NUP214: variants seen among roughly 807,000 people sequenced by gnomAD.
The protein encoded by NUP214 is nucleoporin 214, also known as nuclear pore complex protein Nup214.
A neutral mutation model predicts 196.2 loss-of-function variants in NUP214; 79 were observed. The ratio of observed to expected loss-of-function variants is 0.40; its 90% CI spans 0.34 to 0.49. The LOEUF is 0.49. Ranked by LOEUF, NUP214 falls within the 20% of genes least tolerant of loss-of-function variation. The pLI is 0.58. For synonymous variants in NUP214, 1,020 were observed against 990.5 expected, an observed-to-expected ratio of 1.03 and a Z score of -0.56; for missense variants, 2,468 against 2,539.0, an observed-to-expected ratio of 0.97 and a Z score of 0.60.
intron 18 of NUP214, among the ~76,000 whole-genome samples, chr9:131,161,805 C>G (rs751130883): frequency 6.6e-6 from 1 of 152,148 alleles, no homozygotes; most frequent in Non-Finnish European, 1.5e-5. Flanking sequence ...ACAGAATGTG[C>G]TTACACTATG....
At chr9:131,193,726 A>G (rs1424485914) in intron 27 of NUP214, among the ~76,000 whole-genome samples, 1 of 134,626 alleles carries the variant, frequency 7.4e-6, no homozygotes, top group East Asian at 2.2e-4. Context: ...ATCTCAGCTC[A>G]CTGCAATCTT....
chr9:131,164,070 C>A lies in NUP214; in HGVS notation c.2819C>A (p.Ser940Tyr). 6.2e-7 allele frequency: 1 copy of A among 1,614,092 alleles called. No homozygotes were observed. The highest frequency in any genetic ancestry group is 8.5e-7 in the Non-Finnish European group (1 of 1,180,004). ...TATGGATTTCTTGCAGCCAAACTGTCCCCCATGAAACAGGCACAACTGAGA... is the reference window on the plus strand; with the variant it reads ...TATGGATTTCTTGCAGCCAAACTGTACCCCATGAAACAGGCACAACTGAGA... ...KSLPKVPAKLSPMKQAQLRNF... is the reference protein window; with the variant it reads ...KSLPKVPAKLYPMKQAQLRNF... Residue 940 changes from serine (S) to tyrosine (Y), a missense_variant, in exon 21 of 36, where the codon TCC becomes TAC. Physicochemically the swap from Ser to Tyr is moderately radical, Grantham distance 144. Around this residue, in one of 5 missense-constraint regions of NUP214, gnomAD observed 1,801 missense variants for 1,779.4 expected, o/e 1.01. Transcript: ENST00000359428.
At chr9:131,151,679 CA>C in intron 16 of NUP214, 56 bp from the exon 17 acceptor site, 1 of 1,387,532 alleles carries the variant, frequency 7.2e-7, no homozygotes, top group Non-Finnish European at 9.9e-7. Context: ...TTGATCCAAA[CA>C]GAAAGATTTG....
chr9:131,156,323 G>A (rs1273072962), intron 17 of NUP214, among the ~76,000 whole-genome samples: 1 of 151,768 alleles, frequency 6.6e-6, no homozygotes, highest in African/African-American at 2.4e-5. Flanking sequence ...CAGTAGAGAC[G>A]GGGTTTCACT....
intron 31 of NUP214, among the ~76,000 whole-genome samples, chr9:131,219,330 A>G (rs1305817342): frequency 1.3e-5 from 2 of 152,220 alleles, no homozygotes; most frequent in Non-Finnish European, 2.9e-5. Context: ...TCTCCCAGGT[A>G]CGCCTTTTTG....
intron 22 of NUP214, among the ~76,000 whole-genome samples, chr9:131,174,739 C>T (rs1472591508): frequency 1.3e-5 from 2 of 152,076 alleles, no homozygotes; most frequent in African/African-American, 4.8e-5. Flanking sequence ...CAGGCATGAG[C>T]CACTGCACCT....
Position 131,146,309 on chromosome 9 carries a change from G to A in NUP214, c.1945+5G>A, listed in dbSNP as rs772151325. On this transcript the variant is annotated splice_donor_5th_base_variant and intron_variant, in intron 13 of 35. Transcript: ENST00000359428. This position sits in a 1 kb window ranked among gnomAD's most constrained non-coding sequence, Gnocchi z 4.6. ...CAGTCTTGCCCTCACCATCAGGTAT[G>A]ATTTTAAGCAGACAACTTTAGACCT... The A allele has an allele frequency of 1.9e-6, 3 of 1,613,482 alleles. No individual in the cohort carries two copies. The South Asian group carries it at 3.3e-5, about 18-fold the overall frequency.
intron 30 of NUP214, among the ~76,000 whole-genome samples, chr9:131,203,114 T>A (rs925814570): frequency 2.0e-5 from 3 of 151,810 alleles, no homozygotes; most frequent in African/African-American, 7.3e-5. Flanking sequence ...CCCAGCTAAT[T>A]TTTTGTATTT....
chr9:131,137,004 C>G (rs1308592277), intron 9 of NUP214, among the ~76,000 whole-genome samples: 1 of 152,224 alleles, frequency 6.6e-6, no homozygotes, highest in East Asian at 1.9e-4. Flanking sequence ...ATCTGTCACT[C>G]TCTGGGTGGC....
chr9:131,185,464 C>T (rs1833427521), intron 24 of NUP214, among the ~76,000 whole-genome samples: 1 of 152,142 alleles, frequency 6.6e-6, no homozygotes, highest in Non-Finnish European at 1.5e-5. Flanking sequence ...GTTATAGCAC[C>T]ATTTTCTTCT....
At chr9:131,148,421 C>T (rs140215384) in intron 14 of NUP214, among the ~76,000 whole-genome samples, 9 of 152,100 alleles carry the variant, frequency 5.9e-5, no homozygotes, top group Non-Finnish European at 1.2e-4. Context: ...CTGCTATGAC[C>T]GTTCCAGTTG....
At chr9:131,162,846 G>A in intron 18 of NUP214, 145 bp from the exon 19 acceptor site, 1 of 753,798 alleles carries the variant, frequency 1.3e-6, no homozygotes, top group South Asian at 1.7e-5. Flanking sequence ...TTATTTTCTA[G>A]TAATTTCTTA....
chr9:131,135,449 T>C (rs962033849), intron 8 of NUP214, among the ~76,000 whole-genome samples: 1 of 152,202 alleles, frequency 6.6e-6, no homozygotes, highest in African/African-American at 2.4e-5. Context: ...ATAATGTCTT[T>C]CTATTATTTC....
At chr9:131,193,161 T>C (rs1833660929) in intron 27 of NUP214, among the ~76,000 whole-genome samples, 1 of 152,158 alleles carries the variant, frequency 6.6e-6, no homozygotes, top group Admixed American at 6.5e-5. Context: ...CTATACCTTA[T>C]CTCAAGATGA....
Position 131,192,312 on chromosome 9 carries a change from T to G in NUP214, c.3659+20T>G. 6.8e-7 allele frequency: 1 copy of G among 1,470,946 alleles called. No homozygotes were observed. 91.1% of individuals were successfully genotyped at this position (1,470,946 alleles called of 1,614,324 possible). On this transcript the variant is annotated intron_variant, in intron 27 of 35. Transcript: ENST00000359428. Reference sequence around the variant, plus strand: ...ATCAGGGTCAGTAATGAACTTAAGTTTTATGGCAAATTACTAGCAATTAGC... The same window carrying G: ...ATCAGGGTCAGTAATGAACTTAAGTGTTATGGCAAATTACTAGCAATTAGC...
chr9:131,175,367 C>G, intron 22 of NUP214, 93 bp from the exon 23 acceptor site: 14 of 1,408,958 alleles, frequency 9.9e-6, no homozygotes, highest in Admixed American at 2.0e-5. Context: ...TTAGCATTTT[C>G]CCTGCAGTCG....
Position 131,135,929 on chromosome 9 carries a change from T to C in NUP214, c.939-11T>C. The stretch of plus-strand genomic sequence containing the variant: ...ATTTGAACGTAATGGTCTCTGGTTT[T>C]ATTCTTTAAGGGATTTAGTGCTGGC... On this transcript the variant is annotated splice_polypyrimidine_tract_variant and intron_variant, in intron 8 of 35. Transcript: ENST00000359428. 1 of 1,612,472 alleles carries C rather than the reference T, an allele frequency of 6.2e-7. No individual in the cohort carries two copies. Among genetic ancestry groups the C allele is most frequent in the Non-Finnish European group, 8.5e-7 (1 of 1,178,676 alleles).
chr9:131,166,997 GT>G, intron 21 of NUP214: 1 of 151,960 alleles, frequency 6.6e-6, no homozygotes, highest in East Asian at 1.9e-4. Flanking sequence ...CCATAATACA[GT>G]TTGCAGGTTC....
At chr9:131,186,533 A>G (rs1031922509) in intron 24 of NUP214, among the ~76,000 whole-genome samples, 12 of 152,228 alleles carry the variant, frequency 7.9e-5, no homozygotes, top group Admixed American at 2.6e-4. Context: ...TGCTATATAT[A>G]CCAGTCAGAG....
Sources: allele counts gnomAD v4.1 joint callset (sites outside exome capture counted in the v4.1 genomes callset), GRCh38; gene constraint gnomAD v4.1.1; regional missense constraint gnomAD v4.1.1; non-coding constraint Gnocchi (gnomAD v3.1); transcripts MANE v1.5; gene names NCBI Gene and HGNC (gene_info 2026-07-23, HGNC 2026-07-21).